SMYD3: variants seen among roughly 807,000 people sequenced by gnomAD.
SMYD3 encodes histone-lysine N-methyltransferase SMYD3.
In SMYD3, 36 loss-of-function variants were observed where a neutral mutation model predicts 57.7. That is an observed-to-expected ratio of 0.62 (90% confidence interval 0.48 to 0.82). SMYD3 has a LOEUF of 0.82. Ranked by LOEUF, SMYD3 falls within the 40% of genes least tolerant of loss-of-function variation. SMYD3 has a pLI of 0.00. For synonymous variants in SMYD3, 211 were observed against 195.0 expected, an observed-to-expected ratio of 1.08 and a Z score of -0.68; for missense variants, 515 against 538.8, an observed-to-expected ratio of 0.96 and a Z score of 0.44.
At chr1:246,296,045 C>A (rs781529294) in intron 5 of SMYD3, among the ~76,000 whole-genome samples, 1 of 152,150 alleles carries the variant, frequency 6.6e-6, no homozygotes, top group African/African-American at 2.4e-5. Context: ...TTTTAACTTG[C>A]TGCTTTCATC....
chr1:245,817,115 C>T (rs989840903), intron 10 of SMYD3, among the ~76,000 whole-genome samples: 4 of 151,320 alleles, frequency 2.6e-5, no homozygotes, highest in African/African-American at 9.7e-5. Flanking sequence ...AACAAAAACA[C>T]AGCAGTAACC....
intron 5 of SMYD3, among the ~76,000 whole-genome samples, chr1:246,190,018 G>A (rs1322177091): frequency 6.6e-6 from 1 of 152,152 alleles, no homozygotes; most frequent in Non-Finnish European, 1.5e-5. Flanking sequence ...TTTATTTCAA[G>A]AAATCCAGAT....
chr1:245,942,782 G>A (rs10924396), intron 5 of SMYD3, among the ~76,000 whole-genome samples: 25,234 of 152,032 alleles, frequency 0.17, 3,536 homozygotes, highest in African/African-American at 0.38. Context: ...AGTCATAACC[G>A]TCTCTCAGAC....
chr1:246,496,673 T>C (rs1344067152), intron 1 of SMYD3, among the ~76,000 whole-genome samples: 1 of 151,666 alleles, frequency 6.6e-6, no homozygotes, highest in Non-Finnish European at 1.5e-5. Flanking sequence ...ACAAAAAATA[T>C]AAAAATTAGC....
chr1:246,404,128 C>T (rs2066820292), intron 1 of SMYD3, among the ~76,000 whole-genome samples: 1 of 152,204 alleles, frequency 6.6e-6, no homozygotes, highest in African/African-American at 2.4e-5. Context: ...ACAATGATAG[C>T]TGTAAGTGGA....
intron 5 of SMYD3, among the ~76,000 whole-genome samples, chr1:246,255,483 T>A (rs1426536530): frequency 1.3e-5 from 2 of 152,114 alleles, no homozygotes; most frequent in African/African-American, 4.8e-5. Flanking sequence ...ATCACACGTT[T>A]TGATTTGCAT....
At chr1:246,133,382 T>C (rs1464156379) in intron 5 of SMYD3, among the ~76,000 whole-genome samples, 1 of 152,062 alleles carries the variant, frequency 6.6e-6, no homozygotes, top group Non-Finnish European at 1.5e-5. Flanking sequence ...GATGAGAATG[T>C]TTCCCATAAC....
At chr1:245,831,570 T>C (rs11808632) in intron 10 of SMYD3, among the ~76,000 whole-genome samples, 79,983 of 152,176 alleles carry the variant, frequency 0.53, 25,123 homozygotes, top group Non-Finnish European at 0.72. Flanking sequence ...CTTTCTAGCA[T>C]CACTCACACA....
At chr1:245,794,980 A>G (rs2047459234) in intron 10 of SMYD3, among the ~76,000 whole-genome samples, 1 of 151,940 alleles carries the variant, frequency 6.6e-6, no homozygotes, top group East Asian at 1.9e-4. Flanking sequence ...CTGATTGTGA[A>G]TCTCAGTGGT....
At chr1:245,801,656 G>T (rs1572374174) in intron 10 of SMYD3, among the ~76,000 whole-genome samples, 1 of 151,450 alleles carries the variant, frequency 6.6e-6, no homozygotes, top group East Asian at 1.9e-4. Context: ...ATGAGCCAAG[G>T]TATATAAAGT....
chr1:245,892,191 A>G (rs9660308), intron 8 of SMYD3, among the ~76,000 whole-genome samples: 151,911 of 152,296 alleles, frequency 1, 75,767 homozygotes, highest in Middle Eastern at 1. Context: ...TAAGAAAATT[A>G]TGTGAACAAT....
intron 5 of SMYD3, among the ~76,000 whole-genome samples, chr1:246,248,808 ATTTTTT>A (rs1164274725): frequency 1.1e-4 from 10 of 90,446 alleles, no homozygotes; most frequent in African/African-American, 3.8e-4. Flanking sequence ...TGCCCGGCTA[ATTTTTT>A]TTTTTTTTTT....
At chr1:245,814,253 G>T in intron 10 of SMYD3, 1 of 496,456 alleles carries the variant, frequency 2.0e-6, no homozygotes, top group Non-Finnish European at 2.6e-6. Context: ...TGTTTTGAAG[G>T]TAAACAATTT....
At chr1:246,410,343 C>A (rs1221303996) in intron 1 of SMYD3, among the ~76,000 whole-genome samples, 1 of 152,114 alleles carries the variant, frequency 6.6e-6, no homozygotes, top group Admixed American at 6.5e-5. Context: ...GAGATACGTC[C>A]CATCAATACC....
intron 5 of SMYD3, among the ~76,000 whole-genome samples, chr1:246,245,079 T>C (rs971557920): frequency 6.7e-6 from 1 of 150,134 alleles, no homozygotes; most frequent in Non-Finnish European, 1.5e-5. Flanking sequence ...ACCAAGAACC[T>C]GAACTCCATA....
intron 8 of SMYD3, among the ~76,000 whole-genome samples, chr1:245,873,037 T>C (rs960070053): frequency 2.0e-5 from 3 of 151,934 alleles, no homozygotes; most frequent in Non-Finnish European, 4.4e-5. Context: ...CTGGAGAGAA[T>C]AAAAACAGCA....
At chr1:246,080,969 T>C (rs1460537556) in intron 5 of SMYD3, among the ~76,000 whole-genome samples, 1 of 152,178 alleles carries the variant, frequency 6.6e-6, no homozygotes, top group African/African-American at 2.4e-5. Flanking sequence ...ATAAGGATAA[T>C]TAGTGTGTGT....
chr1:246,088,416 T>C lies in SMYD3; in HGVS notation c.532-158479A>G, dbSNP rs373098430. On this transcript the variant is annotated intron_variant, in intron 5 of 11. Coordinates refer to ENST00000490107, the MANE Select transcript of SMYD3 (RefSeq NM_001167740.2). ...TGAGGTCAGGAGATCGAGACCATCC[T>C]GGCTAACACGGTGAAACCCCGTCTC... Among the ~76,000 whole-genome samples the C allele has an allele frequency of 1.4e-3, 204 of 149,604 alleles. 1 individual carries two copies. The highest frequency in any genetic ancestry group is 4.5e-3 in the African/African-American group (182 of 40,066).
intron 8 of SMYD3, among the ~76,000 whole-genome samples, chr1:245,908,835 T>C (rs2054763470): frequency 6.6e-6 from 1 of 152,140 alleles, no homozygotes; most frequent in Non-Finnish European, 1.5e-5. Context: ...TGGAAGTTTA[T>C]AGCAATAAAC....
Sources: allele counts gnomAD v4.1 joint callset (sites outside exome capture counted in the v4.1 genomes callset), GRCh38; gene constraint gnomAD v4.1.1; transcripts MANE v1.5; gene names NCBI Gene and HGNC (gene_info 2026-07-23, HGNC 2026-07-21).